ADGRL2: variants seen among roughly 807,000 people sequenced by gnomAD.
ADGRL2 encodes the protein adhesion G protein-coupled receptor L2, also known as calcium-independent alpha-latrotoxin receptor 2.
In ADGRL2, 44 loss-of-function variants were observed where a neutral mutation model predicts 157.4. That is an observed-to-expected ratio of 0.28 (90% CI 0.22 to 0.36). The LOEUF (loss-of-function observed/expected upper bound fraction) is 0.36. Among genes scored for constraint, ADGRL2 ranks in the 10% least tolerant of loss-of-function variants. The pLI, the probability that ADGRL2 is intolerant of heterozygous loss-of-function variation, is 1.00. For missense variants in ADGRL2, 1,510 were observed against 1,768.9 expected, an observed-to-expected ratio of 0.85 and a Z score of 2.63; for synonymous variants, 585 against 624.7, an observed-to-expected ratio of 0.94 and a Z score of 0.95.
intron 2 of ADGRL2, among the ~76,000 whole-genome samples, chr1:81,875,662 A>G (rs1380898298): frequency 6.6e-6 from 1 of 152,160 alleles, no homozygotes. Flanking sequence ...TTACATGTCC[A>G]TAATGGAAAA....
At chr1:81,375,759 A>AC (rs1309338853) in intron 1 of ADGRL2, among the ~76,000 whole-genome samples, 4 of 151,876 alleles carry the variant, frequency 2.6e-5, no homozygotes, top group African/African-American at 9.7e-5. Flanking sequence ...GAATTTCTGG[A>AC]CCCCCCTCCA....
chr1:81,579,406 G>A (rs1272426368), intron 2 of ADGRL2: 2 of 152,080 alleles, frequency 1.3e-5, no homozygotes, highest in African/African-American at 2.4e-5. Context: ...TCAGCCTATC[G>A]GGGATTTCTA....
chr1:81,388,694 C>A (rs940116694), intron 1 of ADGRL2, among the ~76,000 whole-genome samples: 1 of 152,138 alleles, frequency 6.6e-6, no homozygotes, highest in Admixed American at 6.6e-5. Flanking sequence ...AGTGGGCCCT[C>A]ACATCGGATC....
chr1:81,946,009 A>G (rs1346248114), intron 6 of ADGRL2, among the ~76,000 whole-genome samples: 1 of 152,106 alleles, frequency 6.6e-6, no homozygotes, highest in Non-Finnish European at 1.5e-5. Context: ...AGGTCAAACC[A>G]ATAAGCCACT....
intron 3 of ADGRL2, among the ~76,000 whole-genome samples, chr1:81,658,642 C>T (rs1028973399): frequency 7.2e-5 from 11 of 152,202 alleles, no homozygotes; most frequent in African/African-American, 2.4e-4. Flanking sequence ...TATTTAACTC[C>T]CTCTTATAAG....
chr1:81,407,422 A>G (rs2076872430), intron 1 of ADGRL2, among the ~76,000 whole-genome samples: 2 of 152,246 alleles, frequency 1.3e-5, no homozygotes, highest in South Asian at 2.1e-4. Flanking sequence ...ATCCTGAAAG[A>G]GGCTCTGATG....
chr1:81,567,672 T>C (rs533330725), intron 2 of ADGRL2, among the ~76,000 whole-genome samples: 2 of 152,220 alleles, frequency 1.3e-5, no homozygotes, highest in African/African-American at 4.8e-5. Context: ...TCCCCATTTG[T>C]CCGCTGTGTT....
intron 1 of ADGRL2, among the ~76,000 whole-genome samples, chr1:81,422,914 T>C (rs1288219380): frequency 6.6e-6 from 1 of 152,220 alleles, no homozygotes; most frequent in Non-Finnish European, 1.5e-5. Context: ...TGCTGTGTTG[T>C]GTTTCGTGTT....
chr1:81,583,172 T>C (rs1172438114), intron 3 of ADGRL2, among the ~76,000 whole-genome samples: 2 of 152,152 alleles, frequency 1.3e-5, no homozygotes, highest in African/African-American at 4.8e-5. Flanking sequence ...ACCAACTTCC[T>C]TCCCCTACTA....
At chr1:81,718,441 G>T (rs1457639664) in intron 1 of ADGRL2, among the ~76,000 whole-genome samples, 3 of 151,692 alleles carry the variant, frequency 2.0e-5, no homozygotes, top group African/African-American at 7.3e-5. Flanking sequence ...GTAGAGCTAT[G>T]AGTTGTTAGA....
At chr1:81,336,040 CTG>C (rs1661619241) in intron 1 of ADGRL2, among the ~76,000 whole-genome samples, 2 of 152,144 alleles carry the variant, frequency 1.3e-5, no homozygotes, top group Non-Finnish European at 2.9e-5. Flanking sequence ...TTAAGTGTAG[CTG>C]TTTGTAAGAC....
intron 1 of ADGRL2, among the ~76,000 whole-genome samples, chr1:81,325,786 A>G (rs141088264): frequency 1.3e-5 from 2 of 152,298 alleles, no homozygotes; most frequent in Non-Finnish European, 2.9e-5. Context: ...CCACAGACGT[A>G]TAGTCATTTG....
intron 2 of ADGRL2, among the ~76,000 whole-genome samples, chr1:81,516,628 C>T (rs2079184112): frequency 1.3e-5 from 2 of 152,222 alleles, no homozygotes; most frequent in African/African-American, 2.4e-5. Context: ...GTAAGTCTAA[C>T]ATGGGCCAAC....
intron 1 of ADGRL2, among the ~76,000 whole-genome samples, chr1:81,437,107 A>T (rs1053595458): frequency 2.6e-5 from 4 of 152,128 alleles, no homozygotes; most frequent in African/African-American, 9.7e-5. Flanking sequence ...ACCAAGGCAA[A>T]AGTCTTTTAG....
At chr1:81,769,028 A>C (rs2086248375) in intron 2 of ADGRL2, among the ~76,000 whole-genome samples, 1 of 152,120 alleles carries the variant, frequency 6.6e-6, no homozygotes, top group South Asian at 2.1e-4. Context: ...GAGGTTGCTG[A>C]GTAGAGATCG....
At chr1:81,686,670 T>C (rs924457421) in intron 3 of ADGRL2, among the ~76,000 whole-genome samples, 14 of 152,216 alleles carry the variant, frequency 9.2e-5, no homozygotes, top group Admixed American at 3.3e-4. Flanking sequence ...TCCTTTCTTA[T>C]GCTGGCTTTG....
At chr1:81,736,940 T>C (rs1377976409) in intron 1 of ADGRL2, among the ~76,000 whole-genome samples, 3 of 152,144 alleles carry the variant, frequency 2.0e-5, no homozygotes, top group East Asian at 1.9e-4. Flanking sequence ...GTTCACGCCA[T>C]TCTCCTGCCA....
At chr1:81,873,972 A>G (rs778610112) in intron 2 of ADGRL2, among the ~76,000 whole-genome samples, 5 of 152,214 alleles carry the variant, frequency 3.3e-5, no homozygotes, top group Non-Finnish European at 7.4e-5. Context: ...TGTGATAAAT[A>G]TTTGTCAGTA....
chr1:81,967,103 A>G (rs1028841567), intron 13 of ADGRL2, among the ~76,000 whole-genome samples: 1 of 152,228 alleles, frequency 6.6e-6, no homozygotes. Flanking sequence ...GTTGATACTT[A>G]CGTAACTACA....
Sources: allele counts gnomAD v4.1 joint callset (sites outside exome capture counted in the v4.1 genomes callset), GRCh38; gene constraint gnomAD v4.1.1; transcripts MANE v1.5; gene names NCBI Gene and HGNC (gene_info 2026-07-23, HGNC 2026-07-21).